Variants in TSKS observed in about 807,000 individuals in gnomAD.
The protein encoded by TSKS is testis specific serine kinase substrate.
Under a neutral mutation model 68.0 loss-of-function variants are expected in TSKS, and 27 were observed. The observed-to-expected ratio is 0.40, with a 90% confidence interval of 0.29 to 0.55. The LOEUF is 0.55. Ranked by LOEUF, TSKS falls within the 20% of genes least tolerant of loss-of-function variation. The pLI is 0.53. For synonymous variants in TSKS, 331 were observed against 340.4 expected (o/e 0.97, Z 0.30); for missense variants, 806 against 776.0 (o/e 1.04, Z -0.46).
At chr19:49,749,139 C>T (rs1189424380) in intron 2 of TSKS, among the ~76,000 whole-genome samples, 1 of 152,174 alleles carries the variant, frequency 6.6e-6, no homozygotes, top group African/African-American at 2.4e-5. Flanking sequence ...TCTCCAGGAA[C>T]TGGTGAATTA....
At position 49,748,453 on chromosome 19, in the gene TSKS, C is replaced by A. The variant is rs1484531295; in HGVS notation, c.416G>T (p.Gly139Val). The A allele has an allele frequency of 6.2e-7, 1 of 1,614,138 alleles. No homozygotes were observed. Among genetic ancestry groups the A allele is most frequent in the South Asian group, 1.1e-5 (1 of 91,084 alleles). The change falls in exon 3 of 11, where the codon GGA becomes GTA. Residue 139 changes from glycine to valine, a missense_variant. Coordinates refer to ENST00000246801, the MANE Select transcript of TSKS (RefSeq NM_021733.2). ...ITEILSGVNS[G>V]LVRAKDSITS... ...GATGGAGTCTTTGGCGCGGACCAATCCACTGTTGACCCCACTCTGGGGAAG... is the reference window on the plus strand; with the variant it reads ...GATGGAGTCTTTGGCGCGGACCAATACACTGTTGACCCCACTCTGGGGAAG...
chr19:49,739,918 G>A lies in TSKS; in HGVS notation c.1637C>T (p.Thr546Ile), dbSNP rs1263578255. Reference protein sequence around the residue: ...DKMKPEEKMATLDHLHLKMCS... With the variant: ...DKMKPEEKMAILDHLHLKMCS... ...CATCTTCAAGTGTAGATGGTCCAGA[G>A]TGGCCATCTTCTCCCTGTCATGAGG... The change falls in exon 11 of 11, where the codon ACT becomes ATT. Residue 546 changes from threonine (T) to isoleucine (I), a missense_variant. Physicochemically the swap from Thr to Ile is moderately conservative, Grantham distance 89. Transcript: ENST00000246801. The A allele has an allele frequency of 6.2e-7, 1 of 1,612,172 alleles. No individual in the cohort carries two copies. Among genetic ancestry groups the A allele is most frequent in the East Asian group, 2.2e-5 (1 of 44,782 alleles).
At chr19:49,749,453 G>A (rs1456975345) in intron 2 of TSKS, among the ~76,000 whole-genome samples, 2 of 152,188 alleles carry the variant, frequency 1.3e-5, no homozygotes, top group Non-Finnish European at 2.9e-5. Context: ...AGGGATGCAT[G>A]TGGTAGGATC....
rs552042281 is a variant in TSKS at position 49,741,831 on chromosome 19, C to T, written c.1497+54G>A. ...ACCCTTGAGTCCGGGGTTCCCCTCC[C>T]CTTGCCCCAACAGAAAAGTAAAGTG... is the stretch of plus-strand genomic sequence containing the variant. On this transcript the variant is annotated intron_variant, in intron 9 of 10. Transcript: ENST00000246801. 45 of 1,612,132 alleles carry T rather than the reference C, an allele frequency of 2.8e-5. 1 individual carries two copies. The South Asian group carries it at 4.2e-4, about 15-fold the overall frequency.
intron 8 of TSKS, 50 bp from the exon 9 acceptor site, chr19:49,742,070 A>T (rs1290778180): frequency 6.2e-6 from 10 of 1,601,050 alleles, no homozygotes; most frequent in Non-Finnish European, 8.5e-6. Context: ...CAACTCCAGG[A>T]CGCCCCATGC....
rs771607030 is a variant in TSKS, at chr19:49,741,951, G to A, written c.1431C>T (p.Asp477=). Residue 477 remains aspartate, a synonymous_variant, in exon 9 of 11, where the codon GAC becomes GAT. Transcript: ENST00000246801. ...LLDRALTSLV[D]EVKQRGLTPA... is the part of the protein sequence containing the mutation. ...GAGTCAGGCCCCTCTGCTTCACCTC[G>A]TCCACTAGTGAGGTCAGTGCTCGGT... 1.8e-5 allele frequency: 29 copies of A among 1,613,954 alleles called. No homozygotes were observed. The highest frequency in any genetic ancestry group is 1.6e-4 in the Middle Eastern group (1 of 6,082).
intron 9 of TSKS, among the ~76,000 whole-genome samples, chr19:49,740,609 C>T (rs1188931400): frequency 1.3e-5 from 2 of 152,188 alleles, no homozygotes; most frequent in African/African-American, 2.4e-5. Flanking sequence ...CCTGGCCGGG[C>T]GCAGTGGCTC....
chr19:49,746,089 A>C (rs964058187), intron 6 of TSKS, among the ~76,000 whole-genome samples: 4 of 152,174 alleles, frequency 2.6e-5, no homozygotes, highest in African/African-American at 9.6e-5. Flanking sequence ...AGGCTGAAGC[A>C]GGAGAATGGC....
intron 3 of TSKS, 64 bp downstream of exon 3, chr19:49,748,310 G>C: frequency 6.3e-7 from 1 of 1,581,026 alleles, no homozygotes; most frequent in Non-Finnish European, 8.7e-7. Flanking sequence ...GCTGGAGGCA[G>C]GCTCCAAGAA....
At position 49,745,411 on chromosome 19, in the gene TSKS, G is replaced by A. The variant is rs754370090; in HGVS notation, c.993-15C>T. ...ACACCTCTCTCCTGGAGGGGCAGAG[G>A]AGGGGAATGGGTAGGGGCTAGGCTT... is the stretch of plus-strand genomic sequence containing the variant. On this transcript the variant is annotated splice_polypyrimidine_tract_variant and intron_variant, in intron 6 of 10. Coordinates refer to ENST00000246801, the MANE Select transcript of TSKS (RefSeq NM_021733.2). 7.9e-6 allele frequency: 12 copies of A among 1,522,998 alleles called. No homozygotes were observed. Among genetic ancestry groups the A allele is most frequent in the Non-Finnish European group, 7.9e-6 (9 of 1,135,718 alleles). 94.3% of individuals were successfully genotyped at this position (1,522,998 alleles called of 1,614,324 possible). A position where few individuals can be genotyped will look rare whatever the true frequency, so the allele number is the denominator to read the frequency against.
intron 2 of TSKS, among the ~76,000 whole-genome samples, chr19:49,752,822 G>A (rs2084362046): frequency 6.6e-6 from 1 of 152,202 alleles, no homozygotes; most frequent in Admixed American, 6.6e-5. Context: ...TTGTGTACAT[G>A]CTTGGGAAAG....
At chr19:49,741,531 G>C (rs2084252122) in intron 9 of TSKS, among the ~76,000 whole-genome samples, 1 of 152,080 alleles carries the variant, frequency 6.6e-6, no homozygotes, top group Non-Finnish European at 1.5e-5. Context: ...CAATGATCTT[G>C]TACAATGCAC....
intron 2 of TSKS, among the ~76,000 whole-genome samples, chr19:49,752,105 TG>T (rs1183685483): frequency 6.6e-6 from 1 of 151,066 alleles, no homozygotes; most frequent in African/African-American, 2.4e-5. Flanking sequence ...ACTCCCAGGC[TG>T]AGCGTGGTGG....
intron 2 of TSKS, among the ~76,000 whole-genome samples, chr19:49,755,095 C>T (rs550230970): frequency 6.6e-6 from 1 of 152,076 alleles, no homozygotes; most frequent in East Asian, 1.9e-4. Flanking sequence ...GACTCCGTCT[C>T]AAAAAAGAAA....
Position 49,741,487 on chromosome 19 carries a change from T to C in TSKS, c.1497+398A>G, listed in dbSNP as rs184513161. 1.1e-4 allele frequency among the ~76,000 whole-genome samples: 16 copies of C among 152,278 alleles called. No individual in the cohort carries two copies. In the East Asian group the frequency reaches 3.1e-3, roughly 29 times the overall value. ...TCAGCTAACTGGGGCCTACAGTCAC[T>C]GGGTCTCCTATTTTACCTCAATATA... On this transcript the variant is annotated intron_variant, in intron 9 of 10. Transcript: ENST00000246801.
intron 2 of TSKS, among the ~76,000 whole-genome samples, chr19:49,759,742 G>T (rs10403659): frequency 0.27 from 41,212 of 151,702 alleles, 6,603 homozygotes; most frequent in African/African-American, 0.44. Flanking sequence ...GGTCAAGGTG[G>T]AAAGATCGCT....
chr19:49,745,271 T>C lies in TSKS; in HGVS notation c.1118A>G (p.Gln373Arg), dbSNP rs1200055252. The C allele has an allele frequency of 1.2e-6, 2 of 1,607,770 alleles. No individual in the cohort carries two copies. The highest frequency in any genetic ancestry group is 1.7e-6 in the Non-Finnish European group (2 of 1,179,614). Residue 373 changes from glutamine to arginine, a missense_variant, in exon 7 of 11, where the codon CAG becomes CGG. Physicochemically the swap from Gln to Arg is conservative, Grantham distance 43. Coordinates refer to ENST00000246801, the MANE Select transcript of TSKS (RefSeq NM_021733.2). ...CCGCGCCGTCTGTGCCTGTTCGCGC[T>C]GTGCCCGCTCCCACTGGCCTAGGAA... ...DGFLGQWERAQREQAQTARDL... is the reference protein window; with the variant it reads ...DGFLGQWERARREQAQTARDL...
Position 49,761,441 on chromosome 19 carries a change from A to G in TSKS, c.399+563T>C, listed in dbSNP as rs561277002. On this transcript the variant is annotated intron_variant, in intron 2 of 10. Coordinates refer to ENST00000246801, the MANE Select transcript of TSKS (RefSeq NM_021733.2). ...AGCTGACTCCCCTCAGAGAACTCCT[A>G]CTCACTCACTAAGGTCCAGTTGCAA... Among the ~76,000 whole-genome samples the G allele has an allele frequency of 2.6e-5, 4 of 152,148 alleles. No individual in the cohort carries two copies. The South Asian group carries it at 6.2e-4, about 24-fold the overall frequency.
At chr19:49,751,525 A>G (rs1233579039) in intron 2 of TSKS, among the ~76,000 whole-genome samples, 1 of 152,068 alleles carries the variant, frequency 6.6e-6, no homozygotes, top group Non-Finnish European at 1.5e-5. Flanking sequence ...CCCACTCCCT[A>G]GCTCAGCAGG....
Sources: gnomAD v4.1 joint callset for allele counts (sites outside exome capture counted in the v4.1 genomes callset) on GRCh38, gnomAD v4.1.1 for gene constraint, MANE v1.5 for transcripts, NCBI Gene and HGNC (gene_info 2026-07-23, HGNC 2026-07-21) for gene names.